PRKAR1B: variants seen among roughly 807,000 people sequenced by gnomAD.
PRKAR1B encodes protein kinase cAMP-dependent type I regulatory subunit beta, also known as cAMP-dependent protein kinase type I-beta regulatory subunit.
A neutral mutation model predicts 46.5 loss-of-function variants in PRKAR1B; 22 were observed. That is an observed-to-expected ratio of 0.47 (90% CI 0.34 to 0.68). PRKAR1B has a LOEUF of 0.68. PRKAR1B is among the 30% of genes least tolerant of loss of function. PRKAR1B has a pLI of 0.01. For missense variants in PRKAR1B, 445 were observed against 535.6 expected, an observed-to-expected ratio of 0.83 and a Z score of 1.67; for synonymous variants, 259 against 217.7, an observed-to-expected ratio of 1.19 and a Z score of -1.67.
At position 550,448 on chromosome 7, in the gene PRKAR1B, G is replaced by A. The variant is rs1784109081; in HGVS notation, c.1128C>T (p.Phe376=). The change falls in exon 11 of 11, where the codon TTC becomes TTT. Residue 376 remains phenylalanine (F), a synonymous_variant. Transcript: ENST00000537384. ...GCTGTGCTCAGACGGTGAGGGAGAT[G>A]AAGCTGTTGTAACGCTGAATGTTCC... ...LKRNIQRYNS[F]ISLTV 1 of 1,594,046 alleles carries A rather than the reference G, an allele frequency of 6.3e-7. No homozygotes were observed. The highest frequency in any genetic ancestry group is 8.5e-7 in the Non-Finnish European group (1 of 1,170,894).
chr7:645,870 TG>T (rs1784597082), intron 4 of PRKAR1B, among the ~76,000 whole-genome samples: 1 of 152,152 alleles, frequency 6.6e-6, no homozygotes, highest in Non-Finnish European at 1.5e-5. Context: ...CAGACCCCTC[TG>T]GGGCTCTGTG....
chr7:722,779 T>A lies in PRKAR1B; in HGVS notation c.-23+4431A>T, dbSNP rs535287686. ...CATGTTCAGGTTGTGGCTTTCCTTG[T>A]TCTTGGTATGACAAGTGATCTCCAG... On this transcript the variant is annotated intron_variant, in intron 1 of 10. Transcript: ENST00000537384. Among the ~76,000 whole-genome samples the A allele has an allele frequency of 2.0e-5, 3 of 152,368 alleles. No homozygotes were observed. In the South Asian group the frequency reaches 6.2e-4, roughly 32 times the overall value.
intron 4 of PRKAR1B, among the ~76,000 whole-genome samples, chr7:647,018 GA>G (rs1784651049): frequency 6.6e-6 from 1 of 152,132 alleles, no homozygotes; most frequent in Non-Finnish European, 1.5e-5. Context: ...CCACAAAAGT[GA>G]AACACCAAAG....
chr7:588,079 G>A (rs535800049), intron 7 of PRKAR1B, among the ~76,000 whole-genome samples: 81 of 152,260 alleles, frequency 5.3e-4, no homozygotes, highest in African/African-American at 1.9e-3. Flanking sequence ...CTCCCCACTC[G>A]CTCCCAAGCC....
chr7:588,492 AGGATAG>A (rs1780733563), intron 7 of PRKAR1B, among the ~76,000 whole-genome samples: 2 of 142,314 alleles, frequency 1.4e-5, no homozygotes, highest in African/African-American at 5.4e-5. Flanking sequence ...GATGGTGGTG[AGGATAG>A]TGACAGTGGT....
At chr7:610,050 C>T in intron 4 of PRKAR1B, among the ~76,000 whole-genome samples, 1 of 152,196 alleles carries the variant, frequency 6.6e-6, no homozygotes, top group East Asian at 1.9e-4. Context: ...CCCTGCCTGG[C>T]ATTCTCTATA....
chr7:556,422 CT>C (rs1778438014), intron 9 of PRKAR1B, among the ~76,000 whole-genome samples: 1 of 152,024 alleles, frequency 6.6e-6, no homozygotes, highest in East Asian at 1.9e-4. Flanking sequence ...AACCGGCGGC[CT>C]TCGGATAATT....
intron 9 of PRKAR1B, among the ~76,000 whole-genome samples, chr7:552,353 C>A (rs1304330305): frequency 8.1e-6 from 1 of 122,888 alleles, no homozygotes; most frequent in Non-Finnish European, 1.7e-5. Flanking sequence ...ACCACCACGT[C>A]ACCACCCAAA....
In PRKAR1B at chr7:560,715, TG is replaced by T; in HGVS notation, c.892-9246del. Among the ~76,000 whole-genome samples the T allele has an allele frequency of 6.6e-6, 1 of 152,324 alleles. No homozygotes were observed. The highest frequency in any genetic ancestry group is 1.9e-4 in the East Asian group (1 of 5,184). On this transcript the variant is annotated intron_variant, in intron 9 of 10. Transcript: ENST00000537384. This position sits in a 1 kb window ranked among gnomAD's most constrained non-coding sequence, Gnocchi z 4.2. The stretch of plus-strand genomic sequence containing the variant: ...AGCCTCAGCTGCCTCATCTGTTATA[TG>T]GGACAACGCCAACCAATGCTACAGA...
chr7:640,294 G>C (rs1050932916), intron 4 of PRKAR1B, among the ~76,000 whole-genome samples: 12 of 152,140 alleles, frequency 7.9e-5, no homozygotes, highest in African/African-American at 2.7e-4. Flanking sequence ...GTCTGGTAAA[G>C]GACTTGTATC....
intron 4 of PRKAR1B, among the ~76,000 whole-genome samples, chr7:663,262 T>C (rs1050256340): frequency 6.6e-6 from 1 of 152,188 alleles, no homozygotes; most frequent in African/African-American, 2.4e-5. Context: ...GGTCTTGCCC[T>C]GTCACCCAGG....
intron 2 of PRKAR1B, among the ~76,000 whole-genome samples, chr7:698,782 C>T (rs1779908637): frequency 6.6e-6 from 1 of 151,848 alleles, no homozygotes; most frequent in Non-Finnish European, 1.5e-5. Context: ...TCGGTGGCAA[C>T]AGTACATCCT....
chr7:561,045 C>T (rs1046113325), intron 9 of PRKAR1B, among the ~76,000 whole-genome samples: 4 of 152,114 alleles, frequency 2.6e-5, no homozygotes, highest in Admixed American at 6.5e-5. Context: ...CACATACACA[C>T]AGATGCATAT....
intron 1 of PRKAR1B, among the ~76,000 whole-genome samples, chr7:715,778 T>C (rs1173158540): frequency 1.3e-4 from 20 of 152,010 alleles, no homozygotes; most frequent in Admixed American, 3.3e-4. Flanking sequence ...TGCAGTGGCG[T>C]GATCTCTGCT....
intron 1 of PRKAR1B, among the ~76,000 whole-genome samples, chr7:719,568 G>C (rs912533201): frequency 6.6e-6 from 1 of 152,202 alleles, no homozygotes; most frequent in African/African-American, 2.4e-5. Context: ...TCCCGTCTCA[G>C]CATCCCAAGG....
At chr7:716,034 T>A (rs1221822577) in intron 1 of PRKAR1B, among the ~76,000 whole-genome samples, 6 of 90,320 alleles carry the variant, frequency 6.6e-5, no homozygotes, top group Admixed American at 2.5e-4. Flanking sequence ...TCTTTATATA[T>A]TTTTTTTTTT....
intron 9 of PRKAR1B, among the ~76,000 whole-genome samples, chr7:563,739 GTGTA>G (rs890026297): frequency 2.6e-5 from 4 of 151,946 alleles, no homozygotes; most frequent in African/African-American, 4.8e-5. Flanking sequence ...TGCTTGGAGT[GTGTA>G]TGTACGTGTG....
chr7:650,838 C>T (rs73046061), intron 4 of PRKAR1B, among the ~76,000 whole-genome samples: 12,813 of 152,214 alleles, frequency 0.084, 732 homozygotes, highest in South Asian at 0.24. Context: ...AGCCCAGAGG[C>T]GTCTGAGGCA....
intron 4 of PRKAR1B, among the ~76,000 whole-genome samples, chr7:661,400 T>C (rs1583376925): frequency 6.3e-5 from 3 of 47,922 alleles, no homozygotes; most frequent in East Asian, 7.2e-4. Flanking sequence ...ATACCTACTC[T>C]CCCCCCACCA....
Sources: allele counts gnomAD v4.1 joint callset (sites outside exome capture counted in the v4.1 genomes callset), GRCh38; gene constraint gnomAD v4.1.1; non-coding constraint Gnocchi (gnomAD v3.1); transcripts MANE v1.5; gene names NCBI Gene and HGNC (gene_info 2026-07-23, HGNC 2026-07-21).